Variants in CTNNA3 observed in about 807,000 individuals in gnomAD.
The protein encoded by CTNNA3 is catenin alpha 3.
CTNNA3 carries 76 observed loss-of-function variants against 95.7 expected under a neutral mutation model. The observed-to-expected ratio is 0.79, with a 90% CI of 0.66 to 0.96. The LOEUF (loss-of-function observed/expected upper bound fraction) is 0.96. Among genes scored for constraint, CTNNA3 ranks in the 40% least tolerant of loss-of-function variants. The probability of loss-of-function intolerance (pLI) is 0.00; values close to 1 mark genes in which losing one functional copy is unlikely to be tolerated. For missense variants in CTNNA3, 1,191 were observed against 1,089.8 expected (o/e 1.09, Z -1.31); for synonymous variants, 431 against 374.4 (o/e 1.15, Z -1.74).
intron 11 of CTNNA3, among the ~76,000 whole-genome samples, chr10:66,407,412 C>G (rs536393682): frequency 3.3e-5 from 5 of 151,988 alleles, no homozygotes; most frequent in Non-Finnish European, 7.4e-5. Flanking sequence ...GGAGAAATAT[C>G]TAGCACCGAT....
At position 66,881,754 on chromosome 10, in the gene CTNNA3, A is replaced by G. The variant is rs138720538; in HGVS notation, c.1048-106230T>C. Among the ~76,000 whole-genome samples the G allele has an allele frequency of 3.7e-3, 560 of 152,234 alleles. 2 individuals are homozygous for G. The highest frequency in any genetic ancestry group is 0.013 in the African/African-American group (540 of 41,552). On this transcript the variant is annotated intron_variant, in intron 7 of 17. Coordinates refer to ENST00000433211, the MANE Select transcript of CTNNA3 (RefSeq NM_013266.4). ...AGCAGGATTAAAAGAGCAATCTGTG[A>G]TAATGCAATAGAATAAAGCTAAATA...
intron 10 of CTNNA3, among the ~76,000 whole-genome samples, chr10:66,525,769 C>G (rs1318294698): frequency 6.6e-6 from 1 of 152,138 alleles, no homozygotes; most frequent in East Asian, 1.9e-4. Context: ...TTTAGCACAT[C>G]AAACTGAAAT....
chr10:66,761,992 G>C (rs991286586), intron 9 of CTNNA3, among the ~76,000 whole-genome samples: 1 of 152,096 alleles, frequency 6.6e-6, no homozygotes, highest in African/African-American at 2.4e-5. Flanking sequence ...GAAAGAAAAA[G>C]AAATTAAAAT....
At chr10:66,917,167 T>A (rs971235538) in intron 7 of CTNNA3, among the ~76,000 whole-genome samples, 1 of 152,200 alleles carries the variant, frequency 6.6e-6, no homozygotes, top group South Asian at 2.1e-4. Context: ...CGAAGAACAG[T>A]GTAAGAGTTT....
intron 5 of CTNNA3, among the ~76,000 whole-genome samples, chr10:67,319,383 G>A (rs774842602): frequency 4.6e-5 from 7 of 152,094 alleles, no homozygotes; most frequent in Non-Finnish European, 1.0e-4. Flanking sequence ...GGGACCAGGG[G>A]TAATCTCCGG....
Position 67,432,632 on chromosome 10 carries a change from A to G in CTNNA3, c.579+89210T>C, listed in dbSNP as rs149574790. On this transcript the variant is annotated intron_variant, in intron 5 of 17. Coordinates refer to ENST00000433211, the MANE Select transcript of CTNNA3 (RefSeq NM_013266.4). Reference sequence around the variant, plus strand: ...TCTCTCTGCCTTTTTCATATAAAATACATATGATTGCATTTAGATCCCAAC... The same window carrying G: ...TCTCTCTGCCTTTTTCATATAAAATGCATATGATTGCATTTAGATCCCAAC... 9.1e-4 allele frequency among the ~76,000 whole-genome samples: 139 copies of G among 152,174 alleles called. 1 individual carries two copies. Among genetic ancestry groups the G allele is most frequent in the African/African-American group, 3.2e-3 (132 of 41,540 alleles).
At position 66,379,152 on chromosome 10, in the gene CTNNA3, C is replaced by A; in HGVS notation, c.1732G>T (p.Val578Leu). ...CAGCTGTTATTGGCAACTGACTTAC[C>A]AGTACTTGTAAGGAAGTTAACATTT... ...MRNVNFLTST[V>L]IPEFVTQVNV... The change falls in exon 12 of 18, where the codon GTA becomes TTA. Residue 578 changes from valine (V) to leucine (L), a missense_variant and splice_region_variant. Physicochemically the swap from Val to Leu is conservative, Grantham distance 32. Coordinates refer to ENST00000433211, the MANE Select transcript of CTNNA3 (RefSeq NM_013266.4). 6.2e-7 allele frequency: 1 copy of A among 1,609,052 alleles called. No individual in the cohort carries two copies. Among genetic ancestry groups the A allele is most frequent in the Non-Finnish European group, 8.5e-7 (1 of 1,175,440 alleles).
At chr10:66,928,446 G>A in intron 7 of CTNNA3, 1 of 1,605,692 alleles carries the variant, frequency 6.2e-7, no homozygotes, top group African/African-American at 1.3e-5. Context: ...GCTCCAGGGA[G>A]TGTGAGGTAT....
intron 7 of CTNNA3, among the ~76,000 whole-genome samples, chr10:66,917,908 TA>T (rs748089918): frequency 3.8e-4 from 58 of 152,144 alleles, no homozygotes; most frequent in Admixed American, 1.1e-3. Flanking sequence ...CATCAAATAT[TA>T]AGGTATAAAT....
intron 11 of CTNNA3, among the ~76,000 whole-genome samples, chr10:66,446,778 CCT>C (rs1237067833): frequency 6.6e-6 from 1 of 151,978 alleles, no homozygotes; most frequent in Non-Finnish European, 1.5e-5. Context: ...ACAGGGATGC[CCT>C]CTCTCACCAC....
At chr10:66,111,835 T>C (rs2082132382) in intron 13 of CTNNA3, among the ~76,000 whole-genome samples, 2 of 152,208 alleles carry the variant, frequency 1.3e-5, no homozygotes, top group African/African-American at 4.8e-5. Context: ...GAAGTTAGGA[T>C]ACTTGGGTGT....
intron 1 of CTNNA3, among the ~76,000 whole-genome samples, chr10:67,684,437 T>A (rs1840690468): frequency 6.6e-6 from 1 of 152,132 alleles, no homozygotes; most frequent in African/African-American, 2.4e-5. Flanking sequence ...TGCTGACTGA[T>A]GCGTTTACAA....
chr10:66,269,906 G>A (rs1385844913), intron 13 of CTNNA3, among the ~76,000 whole-genome samples: 4 of 152,090 alleles, frequency 2.6e-5, no homozygotes, highest in East Asian at 1.9e-4. Context: ...AAGCTTCTAC[G>A]AAGACAAATA....
At chr10:66,165,996 G>C (rs998670789) in intron 13 of CTNNA3, among the ~76,000 whole-genome samples, 1 of 151,902 alleles carries the variant, frequency 6.6e-6, no homozygotes, top group Non-Finnish European at 1.5e-5. Flanking sequence ...TTGAACTCCT[G>C]ACCTTGTGAT....
chr10:66,864,726 A>G (rs1844094710), intron 7 of CTNNA3, among the ~76,000 whole-genome samples: 1 of 152,126 alleles, frequency 6.6e-6, no homozygotes, highest in African/African-American at 2.4e-5. Context: ...CTGCAATAGA[A>G]CGTCTCATAC....
At chr10:67,422,747 T>A (rs191703837) in intron 5 of CTNNA3, among the ~76,000 whole-genome samples, 1 of 152,160 alleles carries the variant, frequency 6.6e-6, no homozygotes, top group African/African-American at 2.4e-5. Flanking sequence ...TTGCCATTAC[T>A]GTACGTTTCC....
chr10:66,188,771 G>T (rs1454224933), intron 13 of CTNNA3, among the ~76,000 whole-genome samples: 1 of 152,016 alleles, frequency 6.6e-6, no homozygotes, highest in Non-Finnish European at 1.5e-5. Context: ...CGGTCATATT[G>T]TAGTTCTATT....
intron 5 of CTNNA3, among the ~76,000 whole-genome samples, chr10:67,315,676 T>C (rs142948199): frequency 2.3e-4 from 35 of 152,142 alleles, no homozygotes; most frequent in Middle Eastern, 3.4e-3. Context: ...TATTTTTAAA[T>C]GGAACAAGGA....
chr10:66,531,584 A>T (rs1841467680), intron 10 of CTNNA3, among the ~76,000 whole-genome samples: 1 of 152,154 alleles, frequency 6.6e-6, no homozygotes, highest in South Asian at 2.1e-4. Flanking sequence ...AAATACAAGA[A>T]TGCTTTAGGG....
Sources: allele counts gnomAD v4.1 joint callset (sites outside exome capture counted in the v4.1 genomes callset), GRCh38; gene constraint gnomAD v4.1.1; transcripts MANE v1.5; gene names NCBI Gene and HGNC (gene_info 2026-07-23, HGNC 2026-07-21).